LRRC27: variants seen among roughly 807,000 people sequenced by gnomAD.
The protein encoded by LRRC27 is leucine rich repeat containing 27.
LRRC27 carries 57 observed loss-of-function variants against 55.0 expected under a neutral mutation model. The ratio of observed to expected loss-of-function variants is 1.04; its 90% CI spans 0.84 to 1.29. LRRC27 has a LOEUF of 1.29. Ranked by LOEUF, LRRC27 falls within the 50% of genes most tolerant of loss-of-function variation. The pLI, the probability that LRRC27 is intolerant of heterozygous loss-of-function variation, is 0.00. For missense variants in LRRC27, 721 were observed against 651.5 expected, an observed-to-expected ratio of 1.11 and a Z score of -1.16; for synonymous variants, 278 against 251.9, an observed-to-expected ratio of 1.10 and a Z score of -0.98.
At chr10:132,332,172 C>T (rs1375223846), upstream of LRRC27, 10 of 160,800 alleles carry the variant, frequency 6.2e-5, no homozygotes. Context: ...CCATGGCGAC[C>T]GCGTTGGCTG....
At chr10:132,336,411 A>G (rs1464117599) in intron 2 of LRRC27, among the ~76,000 whole-genome samples, 1 of 152,238 alleles carries the variant, frequency 6.6e-6, no homozygotes, top group Non-Finnish European at 1.5e-5. Flanking sequence ...GACTCGGGCA[A>G]TTTCCTAACA....
chr10:132,331,336 G>A, upstream of LRRC27: 4 of 1,189,926 alleles, frequency 3.4e-6, no homozygotes, highest in Non-Finnish European at 4.7e-6. Flanking sequence ...AAGGTGCACG[G>A]GACTCCAGGG....
At position 132,380,634 on chromosome 10, in the gene LRRC27, G is replaced by A. The variant is rs1432869492; in HGVS notation, c.*5392G>A. ...TGATTGCACCACTGCACTCAAGCCT[G>A]GGCAACAGAGTGAGACCCCAACTTG... is the stretch of plus-strand genomic sequence containing the variant. On this transcript the variant is annotated 3_prime_UTR_variant, in exon 11 of 11. Coordinates refer to ENST00000368614, the MANE Select transcript of LRRC27 (RefSeq NM_030626.3). Among the ~76,000 whole-genome samples the A allele has an allele frequency of 1.3e-5, 2 of 152,138 alleles. No individual in the cohort carries two copies. The highest frequency in any genetic ancestry group is 4.8e-5 in the African/African-American group (2 of 41,416).
rs2068279296 is a variant in LRRC27, at chr10:132,355,773, A to G, written c.1074-17A>G. On this transcript the variant is annotated splice_polypyrimidine_tract_variant and intron_variant, in intron 7 of 10. Coordinates refer to ENST00000368614, the MANE Select transcript of LRRC27 (RefSeq NM_030626.3). ...AAGCTGCCTGTAACTTATGACATTA[A>G]CCTTCCCTTTCTCCAGAGAGAAAAG... The G allele has an allele frequency of 1.3e-6, 2 of 1,535,480 alleles. No individual in the cohort carries two copies. Among genetic ancestry groups the G allele is most frequent in the Admixed American group, 2.0e-5 (1 of 50,938 alleles).
intron 8 of LRRC27, among the ~76,000 whole-genome samples, chr10:132,356,407 C>T (rs999360507): frequency 6.6e-6 from 1 of 150,952 alleles, no homozygotes; most frequent in African/African-American, 2.4e-5. Context: ...TACCATCCCC[C>T]AAGATTGCCA....
At chr10:132,364,754 A>ACCGTGGGG (rs1564854859) in intron 9 of LRRC27, among the ~76,000 whole-genome samples, 2 of 98,194 alleles carry the variant, frequency 2.0e-5, no homozygotes, top group African/African-American at 4.5e-5. Context: ...CCACGCCCAC[A>ACCGTGGGG]CTTACACTCA....
chr10:132,352,811 C>T, intron 7 of LRRC27: 1 of 1,560,484 alleles, frequency 6.4e-7, no homozygotes, highest in Non-Finnish European at 8.8e-7. Flanking sequence ...TTGTGTCCGT[C>T]TTTGCCCTGG....
Position 132,358,789 on chromosome 10 carries a change from G to GAGC in LRRC27, c.1171-2666_1171-2665insCAG, listed in dbSNP as rs1216350105. Among the ~76,000 whole-genome samples, 20 of 58,416 alleles carry GAGC rather than the reference G, an allele frequency of 3.4e-4. No individual in the cohort carries two copies. The South Asian group carries it at 4.0e-3, about 12-fold the overall frequency. 38.3% of individuals were successfully genotyped at this position (58,416 alleles called of 152,430 possible). On this transcript the variant is annotated intron_variant, in intron 8 of 10. Transcript: ENST00000368614. ...AGTGTGGGGAGGAGCCGAGGTGGTG[G>GAGC]AGTGTGGGGAGGAGCCGAGGTGGTG...
intron 9 of LRRC27, among the ~76,000 whole-genome samples, chr10:132,363,352 G>A (rs1271309618): frequency 1.3e-5 from 2 of 152,200 alleles, no homozygotes; most frequent in African/African-American, 4.8e-5. Flanking sequence ...CTATAGCTGG[G>A]TTAGTGGCTG....
chr10:132,335,082 C>T (rs1007747298), intron 2 of LRRC27: 8 of 152,220 alleles, frequency 5.3e-5, no homozygotes, highest in Non-Finnish European at 1.2e-4. Context: ...GACATAGCCA[C>T]CTCACTGTTC....
intron 10 of LRRC27, among the ~76,000 whole-genome samples, chr10:132,370,101 C>A (rs894226464): frequency 6.6e-6 from 1 of 152,208 alleles, no homozygotes; most frequent in Non-Finnish European, 1.5e-5. Context: ...AGCTTTCAGT[C>A]CAACCTGGGT....
chr10:132,354,963 G>A (rs556728546), intron 7 of LRRC27, among the ~76,000 whole-genome samples: 5 of 152,340 alleles, frequency 3.3e-5, no homozygotes, highest in African/African-American at 1.2e-4. Context: ...GCCCCGCCCA[G>A]CCGCAGATGT....
At chr10:132,334,023 G>C (rs1024687089) in intron 2 of LRRC27, among the ~76,000 whole-genome samples, 4 of 152,274 alleles carry the variant, frequency 2.6e-5, no homozygotes, top group African/African-American at 9.6e-5. Flanking sequence ...TGCCAAACAC[G>C]CTTGGTCTCT....
chr10:132,375,170 G>A lies in LRRC27; in HGVS notation c.1521G>A (p.Pro507=), dbSNP rs759756403. 76 of 1,614,074 alleles carry A rather than the reference G, an allele frequency of 4.7e-5. No homozygotes were observed. The highest frequency in any genetic ancestry group is 2.5e-4 in the East Asian group (11 of 44,876). The stretch of plus-strand genomic sequence containing the variant: ...CTGGAAACCTTTCGCTTGGCCTGCC[G>A]GCAGCACAGCCTCAAAATACATTTT... ...ALTGNLSLGL[P]AAQPQNTFFN... Residue 507 remains proline (P), a synonymous_variant, in exon 11 of 11, where the codon CCG becomes CCA. Coordinates refer to ENST00000368614, the MANE Select transcript of LRRC27 (RefSeq NM_030626.3).
rs1330295189 is a variant in LRRC27 at position 132,348,743 on chromosome 10, G to T, written c.926+387G>T. Reference sequence around the variant, plus strand: ...AAAGTGGGGGCAGGCAGTGAGCCAAGTGGGCACATTCTTGTGAGGCTTCGA... The same window carrying T: ...AAAGTGGGGGCAGGCAGTGAGCCAATTGGGCACATTCTTGTGAGGCTTCGA... On this transcript the variant is annotated intron_variant, in intron 6 of 10. Transcript: ENST00000368614. This position sits in a 1 kb window ranked among gnomAD's most constrained non-coding sequence, Gnocchi z 4.2. Among the ~76,000 whole-genome samples, 1 of 152,244 alleles carries T rather than the reference G, an allele frequency of 6.6e-6. No homozygotes were observed. Among genetic ancestry groups the T allele is most frequent in the African/African-American group, 2.4e-5 (1 of 41,468 alleles).
chr10:132,361,939 C>T (rs12415050), intron 9 of LRRC27, among the ~76,000 whole-genome samples: 33,664 of 151,972 alleles, frequency 0.22, 4,116 homozygotes, highest in East Asian at 0.47. Flanking sequence ...CCCACCTCAC[C>T]GCCGCTGCCT....
At chr10:132,331,659 C>T, upstream of LRRC27, 1 of 1,612,886 alleles carries the variant, frequency 6.2e-7, no homozygotes, top group South Asian at 1.1e-5. Context: ...GCCTCAGCAG[C>T]AATTCTTTTC....
rs191302380 is a variant in LRRC27, at chr10:132,356,149, C to T, written c.1170+263C>T. Among the ~76,000 whole-genome samples the T allele has an allele frequency of 7.7e-4, 117 of 152,338 alleles. 1 individual carries two copies. The highest frequency in any genetic ancestry group is 1.3e-3 in the Non-Finnish European group (87 of 68,032). On this transcript the variant is annotated intron_variant, in intron 8 of 10. Transcript: ENST00000368614. ...CGGAGGGGACAGCTTCCCACCCCAG[C>T]CTTGAGGGCTTGCCTCTTGGCTCAC...
intron 10 of LRRC27, among the ~76,000 whole-genome samples, chr10:132,367,632 G>T (rs1169238326): frequency 6.6e-6 from 1 of 152,198 alleles, no homozygotes; most frequent in African/African-American, 2.4e-5. Context: ...ATCAATAGAT[G>T]CAGAAAAAGC....
Sources: allele counts gnomAD v4.1 joint callset (sites outside exome capture counted in the v4.1 genomes callset), GRCh38; gene constraint gnomAD v4.1.1; non-coding constraint Gnocchi (gnomAD v3.1); transcripts MANE v1.5; gene names NCBI Gene and HGNC (gene_info 2026-07-23, HGNC 2026-07-21).